Variants in PTPRG observed in about 807,000 individuals in gnomAD.
PTPRG encodes the protein protein tyrosine phosphatase receptor type G.
PTPRG carries 102 observed loss-of-function variants against 165.3 expected under a neutral mutation model. The observed-to-expected ratio is 0.62, with a 90% CI of 0.53 to 0.73. The LOEUF (loss-of-function observed/expected upper bound fraction) is 0.73, where lower values mean the gene tolerates loss of function less well. PTPRG is among the 30% of genes least tolerant of loss of function. The probability of loss-of-function intolerance (pLI) is 0.00; values close to 1 mark genes in which losing one functional copy is unlikely to be tolerated. For missense variants in PTPRG, 1,866 were observed against 1,861.4 expected (o/e 1.00, Z -0.05); for synonymous variants, 675 against 669.5 (o/e 1.01, Z -0.13).
intron 4 of PTPRG, among the ~76,000 whole-genome samples, chr3:62,054,481 C>A (rs1442831319): frequency 6.6e-6 from 1 of 152,084 alleles, no homozygotes; most frequent in African/African-American, 2.4e-5. Flanking sequence ...TTGGGGCCTC[C>A]AGGGATAGAA....
chr3:62,017,113 G>A (rs888290256), intron 4 of PTPRG, among the ~76,000 whole-genome samples: 3 of 152,102 alleles, frequency 2.0e-5, no homozygotes, highest in African/African-American at 7.2e-5. Flanking sequence ...GTTGAATCTT[G>A]GCTGCTAATG....
Position 61,791,418 on chromosome 3 carries a change from G to A in PTPRG, c.190+42436G>A, listed in dbSNP as rs114828866. Among the ~76,000 whole-genome samples the A allele has an allele frequency of 6.2e-3, 950 of 152,342 alleles. 7 individuals carry two copies. Among genetic ancestry groups the A allele is most frequent in the Admixed American group, 9.9e-3 (151 of 15,302 alleles). On this transcript the variant is annotated intron_variant, in intron 2 of 29. Coordinates refer to ENST00000474889, the MANE Select transcript of PTPRG (RefSeq NM_002841.4). ...GGAACCAAAATGATTCTTTTACTTA[G>A]ATAACCTGTTTGAGGCAAGAGTTGG...
At chr3:61,712,431 C>G (rs921167438) in intron 1 of PTPRG, among the ~76,000 whole-genome samples, 11 of 151,992 alleles carry the variant, frequency 7.2e-5, no homozygotes, top group African/African-American at 2.4e-4. Context: ...GTATCTCCAC[C>G]CAAATCTCAT....
At chr3:61,677,528 G>A (rs961138790) in intron 1 of PTPRG, among the ~76,000 whole-genome samples, 1 of 152,176 alleles carries the variant, frequency 6.6e-6, no homozygotes, top group African/African-American at 2.4e-5. Context: ...AATCAGTGAT[G>A]AATTTTTGGT....
chr3:61,968,989 A>G (rs1007075806), intron 2 of PTPRG, among the ~76,000 whole-genome samples: 1 of 152,180 alleles, frequency 6.6e-6, no homozygotes, highest in Non-Finnish European at 1.5e-5. Context: ...TATAATTAAA[A>G]CTAAGAGCAC....
At chr3:61,778,727 A>G (rs973748439) in intron 2 of PTPRG, among the ~76,000 whole-genome samples, 10 of 152,254 alleles carry the variant, frequency 6.6e-5, no homozygotes, top group African/African-American at 2.4e-4. Context: ...GGAGTGAAGG[A>G]TCTCAGATAG....
At chr3:61,662,872 C>T (rs770598270) in intron 1 of PTPRG, among the ~76,000 whole-genome samples, 2 of 152,158 alleles carry the variant, frequency 1.3e-5, no homozygotes, top group Non-Finnish European at 2.9e-5. Context: ...TGTCGGTCTG[C>T]GGAAATGCAG....
chr3:62,286,464 A>C (rs760071684), intron 28 of PTPRG, among the ~76,000 whole-genome samples: 25 of 152,258 alleles, frequency 1.6e-4, no homozygotes, highest in Non-Finnish European at 3.1e-4. Context: ...ATAATAAGTA[A>C]ATATATGAAA....
Position 61,583,093 on chromosome 3 carries a change from C to T in PTPRG, c.85+20721C>T, listed in dbSNP as rs75403067. ...AATGGGCTTATTCCTAGAGATGAAT[C>T]ATGCATGTCTGGGACTTGGACCCAT... On this transcript the variant is annotated intron_variant, in intron 1 of 29. Transcript: ENST00000474889. Among the ~76,000 whole-genome samples the T allele has an allele frequency of 3.6e-4, 55 of 152,328 alleles. No homozygotes were observed. The East Asian group carries it at 0.01, about 28-fold the overall frequency.
At chr3:61,659,573 G>C in intron 1 of PTPRG, 1 of 525,276 alleles carries the variant, frequency 1.9e-6, no homozygotes, top group Non-Finnish European at 2.4e-6. Flanking sequence ...GGTAACCTTT[G>C]AGTGTCATGT....
chr3:61,627,833 G>T (rs565081670), intron 1 of PTPRG, among the ~76,000 whole-genome samples: 1 of 152,304 alleles, frequency 6.6e-6, no homozygotes, highest in East Asian at 1.9e-4. Context: ...GGGGGGAAAT[G>T]AATAAATCTA....
intron 12 of PTPRG, among the ~76,000 whole-genome samples, chr3:62,206,394 A>C (rs1700230981): frequency 6.6e-6 from 1 of 151,878 alleles, no homozygotes; most frequent in Non-Finnish European, 1.5e-5. Context: ...TCCCTTATTC[A>C]CTCAGGGTCC....
chr3:62,046,761 T>C (rs1443792933), intron 4 of PTPRG, among the ~76,000 whole-genome samples: 1 of 152,202 alleles, frequency 6.6e-6, no homozygotes, highest in Non-Finnish European at 1.5e-5. Context: ...TGAGAAGACA[T>C]CCTTAAGTTT....
At chr3:61,828,887 C>T (rs1276398068) in intron 2 of PTPRG, among the ~76,000 whole-genome samples, 4 of 151,894 alleles carry the variant, frequency 2.6e-5, no homozygotes, top group Non-Finnish European at 5.9e-5. Flanking sequence ...TCCTTTTTTT[C>T]CCTTGGTCAT....
At chr3:61,819,209 T>C (rs1439758610) in intron 2 of PTPRG, among the ~76,000 whole-genome samples, 3 of 152,176 alleles carry the variant, frequency 2.0e-5, no homozygotes. Flanking sequence ...CAAAATGGTC[T>C]TCAACTATGA....
At chr3:61,998,497 AG>A (rs1391673138) in intron 3 of PTPRG, among the ~76,000 whole-genome samples, 2 of 152,340 alleles carry the variant, frequency 1.3e-5, no homozygotes, top group Admixed American at 6.5e-5. Context: ...ATAGGAACGA[AG>A]GCACCAAGAA....
intron 8 of PTPRG, among the ~76,000 whole-genome samples, chr3:62,186,301 A>G (rs1368446971): frequency 3.9e-5 from 6 of 152,166 alleles, no homozygotes; most frequent in South Asian, 4.1e-4. Flanking sequence ...AATCCTCTTC[A>G]ATGGAGGACG....
intron 4 of PTPRG, among the ~76,000 whole-genome samples, chr3:62,076,492 T>G (rs1701389880): frequency 6.6e-6 from 1 of 151,342 alleles, no homozygotes; most frequent in African/African-American, 2.4e-5. Context: ...AGGTCTGGTT[T>G]TTTTTGTTTG....
chr3:61,843,137 C>T (rs1248147147), intron 2 of PTPRG, among the ~76,000 whole-genome samples: 3 of 151,996 alleles, frequency 2.0e-5, no homozygotes, highest in African/African-American at 4.8e-5. Flanking sequence ...CCAGTTTTAC[C>T]GAATGTCAAT....
Sources: gnomAD v4.1 joint callset for allele counts (sites outside exome capture counted in the v4.1 genomes callset) on GRCh38, gnomAD v4.1.1 for gene constraint, MANE v1.5 for transcripts, NCBI Gene and HGNC (gene_info 2026-07-23, HGNC 2026-07-21) for gene names.